SATB2: variants seen among roughly 807,000 people sequenced by gnomAD.
SATB2 encodes SATB homeobox 2, also known as DNA-binding protein SATB2.
Under a neutral mutation model 73.4 loss-of-function variants are expected in SATB2, and 1 was observed. That is an observed-to-expected ratio of 0.01 (90% CI 0.00 to 0.06). The LOEUF (loss-of-function observed/expected upper bound fraction) is 0.06, where lower values mean the gene tolerates loss of function less well. Among genes scored for constraint, SATB2 ranks in the 10% least tolerant of loss-of-function variants. The pLI is 1.00. For missense variants in SATB2, 459 were observed against 945.8 expected, an observed-to-expected ratio of 0.49 and a Z score of 6.75; for synonymous variants, 397 against 367.0, an observed-to-expected ratio of 1.08 and a Z score of -0.93.
At chr2:199,273,650 C>A (rs538040075) in intron 10 of SATB2, among the ~76,000 whole-genome samples, 1 of 152,096 alleles carries the variant, frequency 6.6e-6, no homozygotes, top group Non-Finnish European at 1.5e-5. Context: ...CCATTTTATA[C>A]TTAACATAGA....
At chr2:199,386,634 A>G (rs991619424) in intron 3 of SATB2, among the ~76,000 whole-genome samples, 3 of 152,050 alleles carry the variant, frequency 2.0e-5, no homozygotes, top group African/African-American at 7.2e-5. Context: ...TGTAACCCCA[A>G]TTTGAAAAAT....
chr2:199,392,216 C>T (rs1047668805), intron 3 of SATB2, among the ~76,000 whole-genome samples: 18 of 152,078 alleles, frequency 1.2e-4, no homozygotes, highest in Admixed American at 1.1e-3. Context: ...ACTAATTCTC[C>T]TCAAAAGAGC....
intron 3 of SATB2, among the ~76,000 whole-genome samples, chr2:199,420,927 T>C (rs1236967445): frequency 6.6e-6 from 1 of 152,194 alleles, no homozygotes; most frequent in African/African-American, 2.4e-5. Context: ...TATATTTTAA[T>C]AGATAATTTG....
At chr2:199,386,706 GCGCGCGCGCGCACACACACACACA>G (rs1294137013) in intron 3 of SATB2, among the ~76,000 whole-genome samples, 1,083 of 95,956 alleles carry the variant, frequency 0.011, 14 homozygotes, top group Admixed American at 0.014. Context: ...GCGCGCGCGC[GCGCGCGCGCGCACACACACACACA>G]CACACACACA....
chr2:199,412,742 AAAAC>A (rs1342672814), intron 3 of SATB2, among the ~76,000 whole-genome samples: 1 of 152,262 alleles, frequency 6.6e-6, no homozygotes, highest in East Asian at 1.9e-4. Context: ...CAAAAAACAA[AAAAC>A]AAACAAACAA....
intron 10 of SATB2, among the ~76,000 whole-genome samples, chr2:199,294,381 T>C (rs1692962372): frequency 2.0e-5 from 3 of 152,196 alleles, no homozygotes; most frequent in East Asian, 1.9e-4. Flanking sequence ...AGTTCTAATA[T>C]GAAGATCTAT....
chr2:199,370,130 G>A (rs1336703324), intron 5 of SATB2, among the ~76,000 whole-genome samples: 2 of 152,136 alleles, frequency 1.3e-5, no homozygotes, highest in Non-Finnish European at 2.9e-5. Context: ...TCTGCTTTGC[G>A]CTATTAACGA....
At chr2:199,273,725 G>C (rs1171734139) in intron 10 of SATB2, among the ~76,000 whole-genome samples, 4 of 151,808 alleles carry the variant, frequency 2.6e-5, no homozygotes. Context: ...TGTAATTTCT[G>C]GGTTTTTTTT....
chr2:199,365,830 T>A (rs72929501), intron 6 of SATB2, among the ~76,000 whole-genome samples: 3,574 of 152,206 alleles, frequency 0.023, 75 homozygotes, highest in Non-Finnish European at 0.029. Flanking sequence ...TGCCAGGTTT[T>A]AGTCATATTT....
intron 5 of SATB2, among the ~76,000 whole-genome samples, chr2:199,370,999 T>C (rs1689430683): frequency 6.6e-6 from 1 of 151,590 alleles, no homozygotes; most frequent in Non-Finnish European, 1.5e-5. Context: ...TGAGAATCTT[T>C]AATCACCAGA....
intron 3 of SATB2, among the ~76,000 whole-genome samples, chr2:199,429,596 G>C (rs1331768190): frequency 6.6e-6 from 1 of 152,144 alleles, no homozygotes; most frequent in African/African-American, 2.4e-5. Flanking sequence ...TTGCTTATTT[G>C]CTAAGCACGT....
At chr2:199,304,265 G>A (rs111753544) in intron 10 of SATB2, among the ~76,000 whole-genome samples, 7 of 152,278 alleles carry the variant, frequency 4.6e-5, no homozygotes, top group African/African-American at 1.7e-4. Flanking sequence ...AGGGCCTTGG[G>A]TTATAATAAC....
intron 10 of SATB2, among the ~76,000 whole-genome samples, chr2:199,301,724 C>T (rs1687295477): frequency 6.6e-6 from 1 of 152,032 alleles, no homozygotes; most frequent in African/African-American, 2.4e-5. Context: ...GAACCGTGGG[C>T]AGGCCAAGGT....
chr2:199,401,737 G>C (rs1043461316), intron 3 of SATB2, among the ~76,000 whole-genome samples: 2 of 152,102 alleles, frequency 1.3e-5, no homozygotes, highest in African/African-American at 4.8e-5. Context: ...AGTCTGGGCA[G>C]GGCTGAGAAA....
upstream of SATB2, chr2:199,469,836 G>T (rs956083787): frequency 3.9e-5 from 6 of 152,456 alleles, no homozygotes; most frequent in African/African-American, 1.4e-4. Context: ...GGGCTTAGTC[G>T]ATGTTCACAC....
At chr2:199,424,629 T>C (rs560859524) in intron 3 of SATB2, among the ~76,000 whole-genome samples, 1 of 152,296 alleles carries the variant, frequency 6.6e-6, no homozygotes, top group East Asian at 1.9e-4. Flanking sequence ...GTGAAAGACC[T>C]ACAATTCTGA....
intron 4 of SATB2, among the ~76,000 whole-genome samples, chr2:199,381,142 T>A (rs1255927837): frequency 6.6e-6 from 1 of 152,186 alleles, no homozygotes. Context: ...ATGCCATATT[T>A]GAAAAAATAA....
intron 7 of SATB2, among the ~76,000 whole-genome samples, chr2:199,334,258 G>T (rs542061406): frequency 6.6e-6 from 1 of 152,206 alleles, no homozygotes; most frequent in East Asian, 1.9e-4. Flanking sequence ...GAGAAAATAA[G>T]CCCTATCCCC....
At chr2:199,371,418 A>C (rs13406992) in intron 5 of SATB2, among the ~76,000 whole-genome samples, 8,019 of 152,166 alleles carry the variant, frequency 0.053, 716 homozygotes, top group African/African-American at 0.18. Context: ...CTCTACAGAA[A>C]ACAATGTTCT....
Sources: gnomAD v4.1 joint callset for allele counts (sites outside exome capture counted in the v4.1 genomes callset) on GRCh38, gnomAD v4.1.1 for gene constraint, MANE v1.5 for transcripts, NCBI Gene and HGNC (gene_info 2026-07-23, HGNC 2026-07-21) for gene names.